The following PI4KA variants were observed in gnomAD, a reference collection of about 807,000 sequenced individuals.
PI4KA encodes phosphatidylinositol 4-kinase alpha.
Under a neutral mutation model 271.4 loss-of-function variants are expected in PI4KA, and 122 were observed. The observed-to-expected ratio is 0.45, with a 90% CI of 0.39 to 0.52. PI4KA has a LOEUF of 0.52. PI4KA is among the 20% of genes least tolerant of loss of function. The pLI, the probability that PI4KA is intolerant of heterozygous loss-of-function variation, is 0.00. For missense variants in PI4KA, 1,969 were observed against 2,769.1 expected, an observed-to-expected ratio of 0.71 and a Z score of 6.48; for synonymous variants, 1,041 against 1,078.8, an observed-to-expected ratio of 0.96 and a Z score of 0.69.
intron 25 of PI4KA, among the ~76,000 whole-genome samples, chr22:20,752,242 G>A (rs1282862030): frequency 6.6e-6 from 1 of 152,184 alleles, no homozygotes; most frequent in African/African-American, 2.4e-5. Flanking sequence ...TCAGACACAC[G>A]CCACGTGTGT....
At chr22:20,810,350 A>G (rs1935923555) in intron 9 of PI4KA, among the ~76,000 whole-genome samples, 1 of 152,094 alleles carries the variant, frequency 6.6e-6, no homozygotes, top group African/African-American at 2.4e-5. Flanking sequence ...ACTAAAAAAT[A>G]CAAAAAAAGT....
chr22:20,763,558 G>A (rs1932221629), intron 22 of PI4KA, among the ~76,000 whole-genome samples: 1 of 151,800 alleles, frequency 6.6e-6, no homozygotes, highest in Non-Finnish European at 1.5e-5. Context: ...TCCTGCCTCA[G>A]CCTCCTGAGT....
At chr22:20,712,949 G>A in intron 48 of PI4KA, 152 bp from the exon 49 acceptor site, 1 of 746,412 alleles carries the variant, frequency 1.3e-6, no homozygotes, top group Non-Finnish European at 2.2e-6. Flanking sequence ...CTTCCTTTCT[G>A]ACCACCGGGG....
chr22:20,752,262 G>A (rs9612888), intron 25 of PI4KA, among the ~76,000 whole-genome samples: 2,703 of 152,284 alleles, frequency 0.018, 31 homozygotes, highest in Non-Finnish European at 0.026. Flanking sequence ...TGCTGGACTC[G>A]TTCTCGTGAC....
intron 1 of PI4KA, among the ~76,000 whole-genome samples, chr22:20,847,368 C>A (rs905761567): frequency 2.0e-5 from 3 of 152,118 alleles, no homozygotes; most frequent in African/African-American, 7.2e-5. Context: ...AGGAGGATTG[C>A]TTGAACCCAG....
At chr22:20,815,390 A>C (rs1921656635) in intron 7 of PI4KA, among the ~76,000 whole-genome samples, 1 of 151,666 alleles carries the variant, frequency 6.6e-6, no homozygotes, top group Non-Finnish European at 1.5e-5. Flanking sequence ...AAAAAAAAAA[A>C]AAAAAAAAAA....
At chr22:20,843,698 A>G (rs1279698038) in intron 1 of PI4KA, among the ~76,000 whole-genome samples, 2 of 152,132 alleles carry the variant, frequency 1.3e-5, no homozygotes, top group Non-Finnish European at 2.9e-5. Context: ...GTGTTATCCT[A>G]TTCCTGTTTT....
intron 28 of PI4KA, among the ~76,000 whole-genome samples, chr22:20,748,718 G>A (rs999476953): frequency 3.3e-5 from 5 of 152,230 alleles, no homozygotes; most frequent in Non-Finnish European, 7.3e-5. Context: ...GACTCCTGGA[G>A]CTCCAGAAAC....
chr22:20,710,064 G>A (rs1925049005), intron 52 of PI4KA, 67 bp from the exon 53 acceptor site: 5 of 887,452 alleles, frequency 5.6e-6, no homozygotes, highest in Non-Finnish European at 9.6e-6. Flanking sequence ...CTGTAGTCCT[G>A]TGGACTGGCT....
At chr22:20,723,531 C>A (rs1926995837) in intron 42 of PI4KA, among the ~76,000 whole-genome samples, 1 of 148,082 alleles carries the variant, frequency 6.8e-6, no homozygotes. Flanking sequence ...AACCTCATGT[C>A]TATTAAATAC....
intron 31 of PI4KA, 110 bp downstream of exon 31, chr22:20,742,498 G>A: frequency 6.5e-7 from 1 of 1,538,524 alleles, no homozygotes; most frequent in Non-Finnish European, 8.9e-7. Context: ...CTCCTCTACT[G>A]GGGGAGCTCC....
At chr22:20,770,195 C>A (rs1027524871) in intron 19 of PI4KA, among the ~76,000 whole-genome samples, 2 of 151,194 alleles carry the variant, frequency 1.3e-5, no homozygotes, top group African/African-American at 4.9e-5. Flanking sequence ...GCATCATGGC[C>A]CAGTTTTTTT....
chr22:20,735,432 T>G (rs558664529), intron 32 of PI4KA, among the ~76,000 whole-genome samples: 479 of 147,512 alleles, frequency 3.2e-3, no homozygotes, highest in Non-Finnish European at 3.9e-3. Flanking sequence ...CCCTCCCTTC[T>G]TCCTCATGAG....
intron 19 of PI4KA, among the ~76,000 whole-genome samples, chr22:20,789,029 G>A (rs1212812744): frequency 6.6e-6 from 1 of 152,082 alleles, no homozygotes; most frequent in African/African-American, 2.4e-5. Flanking sequence ...AGACACCCCC[G>A]TTTCAATGCC....
intron 32 of PI4KA, chr22:20,736,604 CA>C (rs1471688042): frequency 2.6e-5 from 4 of 154,092 alleles, no homozygotes; most frequent in African/African-American, 9.6e-5. Context: ...GTGGGATGTG[CA>C]TAAGAGGGAG....
At chr22:20,831,969 A>G (rs1924234105) in intron 3 of PI4KA, among the ~76,000 whole-genome samples, 1 of 152,100 alleles carries the variant, frequency 6.6e-6, no homozygotes, top group Admixed American at 6.5e-5. Flanking sequence ...AATGAGTTGT[A>G]TATTTGGTCT....
intron 19 of PI4KA, among the ~76,000 whole-genome samples, chr22:20,771,355 G>A (rs892997335): frequency 2.0e-5 from 3 of 151,284 alleles, no homozygotes; most frequent in Admixed American, 6.6e-5. Context: ...CCCAGGAGGC[G>A]GAGCTTGCAG....
At chr22:20,727,051 A>ATTAAAATTCAAAT (rs1927439941) in intron 41 of PI4KA, among the ~76,000 whole-genome samples, 179 bp downstream of exon 41, 1 of 152,184 alleles carries the variant, frequency 6.6e-6, no homozygotes, top group Non-Finnish European at 1.5e-5. Context: ...ATGTAACTAG[A>ATTAAAATTCAAAT]GAACACATTT....
At chr22:20,767,423 G>A (rs544185118) in intron 19 of PI4KA, among the ~76,000 whole-genome samples, 3 of 151,162 alleles carry the variant, frequency 2.0e-5, no homozygotes, top group East Asian at 2.0e-4. Flanking sequence ...TAGCCTGGGC[G>A]ACAGAGCAAG....
Sources: allele counts gnomAD v4.1 joint callset (sites outside exome capture counted in the v4.1 genomes callset), GRCh38; gene constraint gnomAD v4.1.1; transcripts MANE v1.5; gene names NCBI Gene and HGNC (gene_info 2026-07-23, HGNC 2026-07-21).